Variants in ERGIC1 observed in about 807,000 individuals in gnomAD.
The protein encoded by ERGIC1 is endoplasmic reticulum-golgi intermediate compartment 1, also known as endoplasmic reticulum-Golgi intermediate compartment protein 1.
Under a neutral mutation model 38.3 loss-of-function variants are expected in ERGIC1, and 19 were observed. The ratio of observed to expected loss-of-function variants is 0.50; its 90% CI spans 0.35 to 0.73. The LOEUF (loss-of-function observed/expected upper bound fraction) is 0.73, where lower values mean the gene tolerates loss of function less well. ERGIC1 is among the 30% of genes least tolerant of loss of function. The pLI, the probability that ERGIC1 is intolerant of heterozygous loss-of-function variation, is 0.01. For missense variants in ERGIC1, 294 were observed against 389.2 expected (o/e 0.76, Z 2.06); for synonymous variants, 124 against 157.6 (o/e 0.79, Z 1.60).
At chr5:172,867,356 GAGTCCTTGCTTAGCCCC>G (rs1245896655) in intron 1 of ERGIC1, 1 of 422,164 alleles carries the variant, frequency 2.4e-6, no homozygotes, top group Non-Finnish European at 4.9e-6. Context: ...GAGAGCACAG[GAGTCCTTGCTTAGCCCC>G]AGCAATTCCA....
At chr5:172,894,067 G>A (rs1487252919) in intron 2 of ERGIC1, among the ~76,000 whole-genome samples, 1 of 119,664 alleles carries the variant, frequency 8.4e-6, no homozygotes, top group Non-Finnish European at 1.7e-5. Flanking sequence ...TTTATAATAC[G>A]CATTGTTAAC....
intron 1 of ERGIC1, among the ~76,000 whole-genome samples, chr5:172,842,542 G>C (rs1390676699): frequency 6.6e-6 from 1 of 152,140 alleles, no homozygotes; most frequent in African/African-American, 2.4e-5. Flanking sequence ...CCCAAAGTGG[G>C]ACCGCTGGAT....
chr5:172,835,740 T>C (rs989319356), intron 1 of ERGIC1, among the ~76,000 whole-genome samples: 3 of 152,172 alleles, frequency 2.0e-5, no homozygotes, highest in Non-Finnish European at 4.4e-5. Flanking sequence ...TTGGACCTCT[T>C]GATTGGTTGA....
intron 1 of ERGIC1, among the ~76,000 whole-genome samples, chr5:172,856,907 C>G (rs770098275): frequency 6.6e-6 from 1 of 152,134 alleles, no homozygotes; most frequent in African/African-American, 2.4e-5. Flanking sequence ...TTGTGTGAAA[C>G]GTAATTAAGC....
chr5:172,900,653 T>G (rs1762541873), intron 3 of ERGIC1, among the ~76,000 whole-genome samples: 1 of 150,260 alleles, frequency 6.7e-6, no homozygotes. Flanking sequence ...CAGGCTGCAG[T>G]GAGCCATGAT....
intron 4 of ERGIC1, among the ~76,000 whole-genome samples, chr5:172,909,990 A>G (rs1295670477): frequency 6.6e-6 from 1 of 152,226 alleles, no homozygotes; most frequent in East Asian, 1.9e-4. Flanking sequence ...GATTTGGTGC[A>G]GGGAGGTGGG....
chr5:172,845,337 TG>T (rs906471265), intron 1 of ERGIC1, among the ~76,000 whole-genome samples: 29 of 152,270 alleles, frequency 1.9e-4, no homozygotes, highest in African/African-American at 6.5e-4. Context: ...TGTGCATCTG[TG>T]GGCGAGAGAT....
intron 7 of ERGIC1, among the ~76,000 whole-genome samples, chr5:172,929,834 ACT>A (rs974035199): frequency 2.0e-4 from 30 of 152,008 alleles, no homozygotes; most frequent in African/African-American, 6.8e-4. Flanking sequence ...AATAAAACAA[ACT>A]CTGCAGAGCT....
chr5:172,834,362 C>T lies in ERGIC1; in HGVS notation c.-52C>T, dbSNP rs1760974557. The T allele has an allele frequency of 2.4e-6, 3 of 1,258,860 alleles. No individual in the cohort carries two copies. The East Asian group carries it at 9.7e-5, about 41-fold the overall frequency. 78.0% of individuals were successfully genotyped at this position (1,258,860 alleles called of 1,614,324 possible). ...CGTTGGCAGCGGGCTCGGACCCACG[C>T]GGCGCCGCGGCCCGCCTGGCCTGCA... is the stretch of plus-strand genomic sequence containing the variant. On this transcript the variant is annotated 5_prime_UTR_variant, in exon 1 of 10. Transcript: ENST00000393784. This position sits in a 1 kb window ranked among gnomAD's most constrained non-coding sequence, Gnocchi z 4.1.
At position 172,846,845 on chromosome 5, in the gene ERGIC1, T is replaced by G. The variant is rs1581507309; in HGVS notation, c.20+12412T>G. On this transcript the variant is annotated intron_variant, in intron 1 of 9. Coordinates refer to ENST00000393784, the MANE Select transcript of ERGIC1 (RefSeq NM_001031711.3). This position sits in a 1 kb window ranked among gnomAD's most constrained non-coding sequence, Gnocchi z 4.0. Reference sequence around the variant, plus strand: ...AAATAAGTTTGCCTCTGTAAAGCCCTTAGAACTGTGCCTGGCATCTGTTAG... The same window carrying G: ...AAATAAGTTTGCCTCTGTAAAGCCCGTAGAACTGTGCCTGGCATCTGTTAG... Among the ~76,000 whole-genome samples, 1 of 152,284 alleles carries G rather than the reference T, an allele frequency of 6.6e-6. No individual in the cohort carries two copies. The highest frequency in any genetic ancestry group is 1.9e-4 in the East Asian group (1 of 5,176).
rs538281507 is a variant in ERGIC1 at position 172,930,752 on chromosome 5, C to G, written c.542-1684C>G. On this transcript the variant is annotated intron_variant, in intron 7 of 9. Transcript: ENST00000393784. ...GCAATGGGCGTTTGGACACCACTAT[C>G]AAGCGTGGTCTTGGGCTCTTGTTTT... 2.6e-5 allele frequency among the ~76,000 whole-genome samples: 4 copies of G among 152,344 alleles called. No homozygotes were observed. In the East Asian group the frequency reaches 7.7e-4, roughly 29 times the overall value.
At chr5:172,893,293 G>T (rs965513217) in intron 2 of ERGIC1, among the ~76,000 whole-genome samples, 1 of 151,990 alleles carries the variant, frequency 6.6e-6, no homozygotes, top group Non-Finnish European at 1.5e-5. Context: ...GATTACAGGC[G>T]CCTGCCACCG....
At chr5:172,905,738 G>GAGCA (rs1554111662) in intron 3 of ERGIC1, among the ~76,000 whole-genome samples, 2 of 151,528 alleles carry the variant, frequency 1.3e-5, no homozygotes, top group Non-Finnish European at 2.9e-5. Flanking sequence ...GCTCGAGCCG[G>GAGCA]AACACAGACC....
In ERGIC1 at chr5:172,836,107, TC is replaced by T. The variant is rs1761029828; in HGVS notation, c.20+1676del. Among the ~76,000 whole-genome samples the T allele has an allele frequency of 3.9e-5, 6 of 152,312 alleles. No homozygotes were observed. In the South Asian group the frequency reaches 1.2e-3, roughly 32 times the overall value. On this transcript the variant is annotated intron_variant, in intron 1 of 9. Coordinates refer to ENST00000393784, the MANE Select transcript of ERGIC1 (RefSeq NM_001031711.3). The stretch of plus-strand genomic sequence containing the variant: ...ATCCTTTCTCCCTGCACCTCACCCT[TC>T]CGTCTTACCAAGGAGGAAATGAGGC...
intron 1 of ERGIC1, chr5:172,867,633 A>C: frequency 2.9e-6 from 1 of 341,456 alleles, no homozygotes; most frequent in East Asian, 9.0e-5. Context: ...GAGGGCACTC[A>C]CCTCTCCCTT....
chr5:172,939,187 T>G (rs1239065854), intron 9 of ERGIC1, among the ~76,000 whole-genome samples: 1 of 152,236 alleles, frequency 6.6e-6, no homozygotes, highest in Non-Finnish European at 1.5e-5. Context: ...CAGGGTCAGC[T>G]GAATCATACG....
At position 172,837,580 on chromosome 5, in the gene ERGIC1, A is replaced by C. The variant is rs866797255; in HGVS notation, c.20+3147A>C. 2.6e-5 allele frequency among the ~76,000 whole-genome samples: 4 copies of C among 152,278 alleles called. No individual in the cohort carries two copies. The highest frequency in any genetic ancestry group is 6.8e-3 in the Middle Eastern group (2 of 294). ...TGGAGATGCCTCTTGAAATCTGTCA[A>C]GGAAGCCATAGACATGACGTGACTT... On this transcript the variant is annotated intron_variant, in intron 1 of 9. Coordinates refer to ENST00000393784, the MANE Select transcript of ERGIC1 (RefSeq NM_001031711.3). The surrounding 1 kb of genome is among the most constrained non-coding windows in gnomAD (Gnocchi z 4.3).
At chr5:172,924,141 G>A (rs767035538) in intron 6 of ERGIC1, 32 bp downstream of exon 6, 46 of 1,601,998 alleles carry the variant, frequency 2.9e-5, no homozygotes, top group South Asian at 5.5e-5. Flanking sequence ...TGGCATGGCC[G>A]GGGGTGGGCC....
rs1036119046 is a variant in ERGIC1, at chr5:172,834,740, C to G, written c.20+307C>G. 1.6e-4 allele frequency among the ~76,000 whole-genome samples: 24 copies of G among 152,142 alleles called. No homozygotes were observed. The highest frequency in any genetic ancestry group is 5.8e-4 in the African/African-American group (24 of 41,442). On this transcript the variant is annotated intron_variant, in intron 1 of 9. Transcript: ENST00000393784. This position sits in a 1 kb window ranked among gnomAD's most constrained non-coding sequence, Gnocchi z 4.1. Reference sequence around the variant, plus strand: ...CACTAGGAAACATTTCCTCCCTCCTCCCAGATGGGAACAGCCCATAACACC... The same window carrying G: ...CACTAGGAAACATTTCCTCCCTCCTGCCAGATGGGAACAGCCCATAACACC...
Sources: allele counts gnomAD v4.1 joint callset (sites outside exome capture counted in the v4.1 genomes callset), GRCh38; gene constraint gnomAD v4.1.1; non-coding constraint Gnocchi (gnomAD v3.1); transcripts MANE v1.5; gene names NCBI Gene and HGNC (gene_info 2026-07-23, HGNC 2026-07-21).